The following SUSD4 variants were observed in gnomAD, a reference collection of about 807,000 sequenced individuals.
The protein encoded by SUSD4 is sushi domain-containing protein 4.
Under a neutral mutation model 50.5 loss-of-function variants are expected in SUSD4, and 41 were observed. The ratio of observed to expected loss-of-function variants is 0.81; its 90% CI spans 0.63 to 1.05. The LOEUF (loss-of-function observed/expected upper bound fraction) is 1.05. SUSD4 is among the 50% of genes least tolerant of loss of function. SUSD4 has a pLI of 0.00. For synonymous variants in SUSD4, 257 were observed against 257.3 expected (o/e 1.00, Z 0.01); for missense variants, 580 against 634.7 (o/e 0.91, Z 0.93).
At chr1:223,264,852 A>C in intron 4 of SUSD4, 34 bp from the exon 5 acceptor site, 2 of 1,603,530 alleles carry the variant, frequency 1.2e-6, no homozygotes, top group Non-Finnish European at 8.5e-7. Context: ...GAAAGATTCC[A>C]CTCTGTCATC....
chr1:223,272,444 T>C (rs1482967034), intron 3 of SUSD4, among the ~76,000 whole-genome samples: 1 of 152,212 alleles, frequency 6.6e-6, no homozygotes, highest in Non-Finnish European at 1.5e-5. Context: ...CAGCATTGCA[T>C]ATTTATACCC....
rs1379054206 is a variant in SUSD4 at position 223,283,370 on chromosome 1, G to A, written c.361+9069C>T. Among the ~76,000 whole-genome samples the A allele has an allele frequency of 2.6e-5, 4 of 151,986 alleles. No homozygotes were observed. The South Asian group carries it at 8.3e-4, about 32-fold the overall frequency. ...TAATATCTAGAATCTACAAATAAAT[G>A]AAACAAATTTACAAGAAAAAAACAA... On this transcript the variant is annotated intron_variant, in intron 3 of 8. Transcript: ENST00000366878.
At chr1:223,223,714 G>T in intron 7 of SUSD4, 83 bp from the exon 8 acceptor site, 1 of 1,466,230 alleles carries the variant, frequency 6.8e-7, no homozygotes, top group Non-Finnish European at 9.0e-7. Flanking sequence ...CTGCACTCGG[G>T]GTCCTCAGGA....
chr1:223,352,669 C>T (rs916484430), intron 2 of SUSD4, among the ~76,000 whole-genome samples: 1 of 152,188 alleles, frequency 6.6e-6, no homozygotes, highest in Admixed American at 6.5e-5. Context: ...AGCCCACAGA[C>T]ACCCAGAAGC....
chr1:223,225,922 G>A (rs763568538), intron 7 of SUSD4, among the ~76,000 whole-genome samples: 33 of 152,142 alleles, frequency 2.2e-4, no homozygotes, highest in Non-Finnish European at 2.9e-4. Flanking sequence ...TTCTTGTCAT[G>A]CATTTGGATT....
chr1:223,223,568 C>A lies in SUSD4; in HGVS notation c.1125G>T (p.Met375Ile). 1 of 1,613,344 alleles carries A rather than the reference C, an allele frequency of 6.2e-7. No homozygotes were observed. Among genetic ancestry groups the A allele is most frequent in the South Asian group, 1.1e-5 (1 of 90,992 alleles). ...DFVVVDGVPV[M>I]LPSYDEAVSG... ...TCACAGCTTCGTCATAGGACGGGAG[C>A]ATGACGGGCACGCCGTCTACCACCA... The change falls in exon 8 of 9, where the codon ATG (methionine) becomes ATT (isoleucine). Residue 375 changes from methionine (M) to isoleucine (I), a missense_variant. Met to Ile is a conservative substitution (Grantham distance 10). Transcript: ENST00000366878.
At chr1:223,274,140 C>T (rs1663103606) in intron 3 of SUSD4, among the ~76,000 whole-genome samples, 1 of 152,152 alleles carries the variant, frequency 6.6e-6, no homozygotes, top group African/African-American at 2.4e-5. Flanking sequence ...AGTGCCATTC[C>T]ACCCTTCTGC....
rs754286060 is a variant in SUSD4, at chr1:223,240,023, C to T, written c.725-10635G>A. Among the ~76,000 whole-genome samples the T allele has an allele frequency of 3.6e-4, 55 of 152,210 alleles. 1 individual carries two copies. The highest frequency in any genetic ancestry group is 3.4e-3 in the Middle Eastern group (1 of 294). ...CCCAAGAAAATCTTCCTTTCTCCTT[C>T]GCTTCTGAACGTTAATTTTTGTGGG... On this transcript the variant is annotated intron_variant, in intron 5 of 8. Coordinates refer to ENST00000366878, the MANE Select transcript of SUSD4 (RefSeq NM_017982.4).
intron 3 of SUSD4, among the ~76,000 whole-genome samples, chr1:223,275,229 T>C (rs1244242282): frequency 1.3e-5 from 2 of 152,196 alleles, no homozygotes; most frequent in Non-Finnish European, 2.9e-5. Context: ...CTCAAATATT[T>C]GCCAGCAAAT....
intron 2 of SUSD4, chr1:223,358,769 C>T: frequency 5.9e-6 from 1 of 169,546 alleles, no homozygotes; most frequent in Admixed American, 5.9e-5. Context: ...AGTCTCCATG[C>T]TGCTTATATT....
At chr1:223,309,324 G>A (rs1665735350) in intron 2 of SUSD4, among the ~76,000 whole-genome samples, 1 of 152,126 alleles carries the variant, frequency 6.6e-6, no homozygotes, top group Non-Finnish European at 1.5e-5. Context: ...ACTTACACCC[G>A]CACTCTGCTG....
chr1:223,303,923 C>T, intron 2 of SUSD4, among the ~76,000 whole-genome samples: 1 of 152,132 alleles, frequency 6.6e-6, no homozygotes, highest in East Asian at 1.9e-4. Context: ...TTTCTATAAC[C>T]TATGATTAGC....
intron 2 of SUSD4, among the ~76,000 whole-genome samples, chr1:223,350,482 G>A (rs1331721922): frequency 2.0e-5 from 3 of 152,196 alleles, no homozygotes; most frequent in Non-Finnish European, 2.9e-5. Context: ...CCAAGAGAGG[G>A]GCAAGGCGCA....
intron 5 of SUSD4, among the ~76,000 whole-genome samples, chr1:223,241,708 C>T (rs768337463): frequency 6.6e-6 from 1 of 152,196 alleles, no homozygotes; most frequent in Non-Finnish European, 1.5e-5. Context: ...TTTAGACCAG[C>T]GATGGTTGTG....
At chr1:223,267,690 C>T (rs559002970) in intron 4 of SUSD4, among the ~76,000 whole-genome samples, 6 of 152,148 alleles carry the variant, frequency 3.9e-5, no homozygotes, top group African/African-American at 1.4e-4. Context: ...GCACCCAAAG[C>T]AATATCAGAG....
At position 223,332,207 on chromosome 1, in the gene SUSD4, C is replaced by CTTTT. The variant is rs1667214417; in HGVS notation, c.148+31070_148+31071insAAAA. ...AATGCTCTGTGTAGCCATAAAATAC[C>CTTTT]TAAGATGTGGTTCATAAAATATTTG... On this transcript the variant is annotated intron_variant, in intron 2 of 8. Transcript: ENST00000366878. The surrounding 1 kb of genome is among the most constrained non-coding windows in gnomAD (Gnocchi z 4.0). Among the ~76,000 whole-genome samples the CTTTT allele has an allele frequency of 2.6e-5, 4 of 152,150 alleles. No homozygotes were observed. The South Asian group carries it at 8.3e-4, about 32-fold the overall frequency.
At chr1:223,278,936 T>C (rs1663484431) in intron 3 of SUSD4, among the ~76,000 whole-genome samples, 1 of 152,210 alleles carries the variant, frequency 6.6e-6, no homozygotes, top group Admixed American at 6.5e-5. Flanking sequence ...CAGCCTCCAC[T>C]GCTGATACCC....
intron 2 of SUSD4, among the ~76,000 whole-genome samples, chr1:223,354,309 A>G (rs1668534474): frequency 1.3e-5 from 2 of 151,704 alleles, no homozygotes. Context: ...ATTATGACCA[A>G]TGCTGATGGT....
chr1:223,347,468 A>C (rs1469642891), intron 2 of SUSD4, among the ~76,000 whole-genome samples: 1 of 152,112 alleles, frequency 6.6e-6, no homozygotes, highest in African/African-American at 2.4e-5. Flanking sequence ...CCCATTCCTG[A>C]ATGCCACAAC....
Sources: allele counts gnomAD v4.1 joint callset (sites outside exome capture counted in the v4.1 genomes callset), GRCh38; gene constraint gnomAD v4.1.1; non-coding constraint Gnocchi (gnomAD v3.1); transcripts MANE v1.5; gene names NCBI Gene and HGNC (gene_info 2026-07-23, HGNC 2026-07-21).